PCM1: variants seen among roughly 807,000 people sequenced by gnomAD.
The protein encoded by PCM1 is pericentriolar material 1.
Under a neutral mutation model 241.9 loss-of-function variants are expected in PCM1, and 157 were observed. The observed-to-expected ratio is 0.65, with a 90% CI of 0.57 to 0.74. The LOEUF is 0.74. Ranked by LOEUF, PCM1 falls within the 30% of genes least tolerant of loss-of-function variation. The probability of loss-of-function intolerance (pLI) is 0.00; values close to 1 mark genes in which losing one functional copy is unlikely to be tolerated. For missense variants in PCM1, 3,478 were observed against 2,360.1 expected, an observed-to-expected ratio of 1.47 and a Z score of -9.81; for synonymous variants, 1,085 against 784.9, an observed-to-expected ratio of 1.38 and a Z score of -6.39.
chr8:17,972,272 T>C, intron 22 of PCM1, 57 bp from the exon 23 acceptor site: 2 of 962,142 alleles, frequency 2.1e-6, no homozygotes, highest in Non-Finnish European at 3.0e-6. Flanking sequence ...TTCAGTGTAT[T>C]TGGAGTTTTT....
intron 29 of PCM1, among the ~76,000 whole-genome samples, chr8:17,994,692 G>A (rs750376008): frequency 3.9e-5 from 6 of 151,966 alleles, no homozygotes; most frequent in African/African-American, 1.2e-4. Context: ...CCACATCCTC[G>A]CCAGCATTTA....
At chr8:17,993,170 G>T (rs1225183490) in intron 28 of PCM1, among the ~76,000 whole-genome samples, 1 of 151,944 alleles carries the variant, frequency 6.6e-6, no homozygotes, top group African/African-American at 2.4e-5. Flanking sequence ...GCCTAAGCCA[G>T]TGTCTATAAG....
chr8:17,999,099 G>A (rs1032800609), intron 29 of PCM1, among the ~76,000 whole-genome samples: 1 of 152,080 alleles, frequency 6.6e-6, no homozygotes, highest in South Asian at 2.1e-4. Flanking sequence ...CAGGAGCCAG[G>A]TTCTCGAATT....
chr8:17,963,403 G>C, intron 17 of PCM1, 112 bp downstream of exon 17: 2 of 681,878 alleles, frequency 2.9e-6, no homozygotes, highest in Non-Finnish European at 4.7e-6. Flanking sequence ...TGCTATTTCA[G>C]TGAGGCTACT....
chr8:17,937,240 C>A lies in PCM1; in HGVS notation c.203C>A (p.Ser68Ter). The change falls in exon 4 of 39, where the codon TCG becomes TAG. Residue 68 changes from serine to a stop codon, truncating the protein, a stop_gained. Transcript: ENST00000325083. LOFTEE classifies it high-confidence loss of function. ...KRVTNDISPE[S>*]SPGVGRRRTK... ...GTAACCAATGATATTTCTCCGGAGT[C>A]GTCACCAGGAGTTGGAAGGCGAAGA... 1.2e-6 allele frequency: 2 copies of A among 1,609,490 alleles called. No homozygotes were observed. The highest frequency in any genetic ancestry group is 1.1e-5 in the South Asian group (1 of 90,474).
At chr8:18,012,574 G>GTCTAGATCTTT (rs2092665072) in intron 34 of PCM1, among the ~76,000 whole-genome samples, 1 of 152,032 alleles carries the variant, frequency 6.6e-6, no homozygotes, top group African/African-American at 2.4e-5. Flanking sequence ...TTCCTCCCTG[G>GTCTAGATCTTT]TCTAGATCTT....
chr8:17,958,199 G>A (rs1586811080), intron 13 of PCM1, among the ~76,000 whole-genome samples: 1 of 152,236 alleles, frequency 6.6e-6, no homozygotes, highest in Non-Finnish European at 1.5e-5. Context: ...CAATGAGGTA[G>A]ACATTAAATA....
chr8:18,014,013 T>G lies in PCM1; in HGVS notation c.5561T>G (p.Leu1854Trp), dbSNP rs754687504. The stretch of plus-strand genomic sequence containing the variant: ...ACAGCAGAAAGCAAAAATGTCCCAT[T>G]GGAACGAGAAGCCACTAGTAAAAGT... ...KKTAESKNVPLEREATSKNDQ... is the reference protein window; with the variant it reads ...KKTAESKNVPWEREATSKNDQ... The change falls in exon 35 of 39, where the codon TTG becomes TGG. Residue 1854 changes from leucine to tryptophan, a missense_variant. By Grantham distance (61) the Leu-to-Trp change is moderately conservative. Coordinates refer to ENST00000325083, the MANE Select transcript of PCM1 (RefSeq NM_006197.4). 1.2e-6 allele frequency: 2 copies of G among 1,601,202 alleles called. No individual in the cohort carries two copies. Among genetic ancestry groups the G allele is most frequent in the East Asian group, 4.5e-5 (2 of 44,598 alleles).
At chr8:18,019,035 A>G (rs181627139) in intron 36 of PCM1, among the ~76,000 whole-genome samples, 4 of 151,770 alleles carry the variant, frequency 2.6e-5, no homozygotes, top group Admixed American at 1.3e-4. Context: ...TAATGTGCCT[A>G]CAGATTCTAA....
chr8:17,965,994 G>C lies in PCM1; in HGVS notation c.2856-5G>C. On this transcript the variant is annotated splice_region_variant and splice_polypyrimidine_tract_variant and intron_variant, in intron 18 of 38. Coordinates refer to ENST00000325083, the MANE Select transcript of PCM1 (RefSeq NM_006197.4). ...GATGACTTAATGCTTTCAATCTTGT[G>C]TTAGGTGGAAGAACAATTGCCCTTT... The C allele has an allele frequency of 6.2e-7, 1 of 1,603,430 alleles. No individual in the cohort carries two copies.
At chr8:17,996,091 G>A (rs1160256966) in intron 29 of PCM1, among the ~76,000 whole-genome samples, 1 of 152,146 alleles carries the variant, frequency 6.6e-6, no homozygotes, top group Non-Finnish European at 1.5e-5. Flanking sequence ...AGTGGTGAAA[G>A]TGGACATCCT....
chr8:17,933,130 G>GT (rs1206073668), intron 2 of PCM1, among the ~76,000 whole-genome samples: 2 of 152,158 alleles, frequency 1.3e-5, no homozygotes, highest in Non-Finnish European at 2.9e-5. Flanking sequence ...TCATAGAATT[G>GT]TTGTGAGGCT....
intron 6 of PCM1, among the ~76,000 whole-genome samples, chr8:17,944,664 G>A (rs932112568): frequency 6.6e-6 from 1 of 152,030 alleles, no homozygotes; most frequent in African/African-American, 2.4e-5. Flanking sequence ...TATTCCAGGT[G>A]CCATCTTCCT....
At chr8:17,937,495 T>C in intron 4 of PCM1, 116 bp downstream of exon 4, 2 of 906,436 alleles carry the variant, frequency 2.2e-6, no homozygotes, top group Non-Finnish European at 3.2e-6. Flanking sequence ...TAAAAAAAGT[T>C]TCTGTGCCTA....
At chr8:17,924,995 T>A (rs1370524755) in intron 2 of PCM1, 1 of 152,230 alleles carries the variant, frequency 6.6e-6, no homozygotes, top group African/African-American at 2.4e-5. Context: ...CATTCCTAAT[T>A]ATTAATTACT....
intron 32 of PCM1, among the ~76,000 whole-genome samples, chr8:18,011,028 C>T (rs940363597): frequency 6.6e-6 from 1 of 152,166 alleles, no homozygotes; most frequent in Non-Finnish European, 1.5e-5. Flanking sequence ...ATTATTTTAA[C>T]AGCTTTCACC....
chr8:17,976,297 A>G lies in PCM1; in HGVS notation c.3943+3610A>G, dbSNP rs550903743. 2.6e-5 allele frequency among the ~76,000 whole-genome samples: 4 copies of G among 152,316 alleles called. No homozygotes were observed. The East Asian group carries it at 7.7e-4, about 29-fold the overall frequency. On this transcript the variant is annotated intron_variant, in intron 23 of 38. Coordinates refer to ENST00000325083, the MANE Select transcript of PCM1 (RefSeq NM_006197.4). ...CTTGAAAAGAGTGACACCGAAATAA[A>G]AGGGGCTAGCTAACGATTGTCCCTT... is the stretch of plus-strand genomic sequence containing the variant.
intron 1 of PCM1, among the ~76,000 whole-genome samples, chr8:17,924,337 T>C (rs1290418135): frequency 1.3e-5 from 2 of 152,230 alleles, no homozygotes; most frequent in Non-Finnish European, 2.9e-5. Context: ...GAGCAAACAT[T>C]TTTAAAATCA....
At chr8:17,926,849 A>C (rs2057174999) in intron 2 of PCM1, 1 of 152,186 alleles carries the variant, frequency 6.6e-6, no homozygotes, top group Admixed American at 6.5e-5. Context: ...TTATGATCAG[A>C]AAGAGGAACT....
Sources: gnomAD v4.1 joint callset for allele counts (sites outside exome capture counted in the v4.1 genomes callset) on GRCh38, gnomAD v4.1.1 for gene constraint, MANE v1.5 for transcripts, NCBI Gene and HGNC (gene_info 2026-07-23, HGNC 2026-07-21) for gene names.